The following ASTN1 variants were observed in gnomAD, a reference collection of about 807,000 sequenced individuals.
The protein encoded by ASTN1 is astrotactin 1.
In ASTN1, 41 loss-of-function variants were observed where a neutral mutation model predicts 140.7. The ratio of observed to expected loss-of-function variants is 0.29; its 90% confidence interval spans 0.23 to 0.38. The LOEUF (loss-of-function observed/expected upper bound fraction) is 0.38. Ranked by LOEUF, ASTN1 falls within the 10% of genes least tolerant of loss-of-function variation. The pLI is 1.00. For synonymous variants in ASTN1, 640 were observed against 652.2 expected (o/e 0.98, Z 0.29); for missense variants, 1,479 against 1,678.8 (o/e 0.88, Z 2.08).
rs558932087 is a variant in ASTN1 at position 176,912,008 on chromosome 1, C to T, written c.2672-17178G>A. On this transcript the variant is annotated intron_variant, in intron 16 of 22. Coordinates refer to ENST00000361833, the MANE Select transcript of ASTN1 (RefSeq NM_004319.3). Reference sequence around the variant, plus strand: ...GCTACATTACGATCTTATGGGACCACTGTCATATACGTGGGCTTGCATTGA... The same window carrying T: ...GCTACATTACGATCTTATGGGACCATTGTCATATACGTGGGCTTGCATTGA... 3.3e-5 allele frequency among the ~76,000 whole-genome samples: 5 copies of T among 152,330 alleles called. No homozygotes were observed. In the East Asian group the frequency reaches 9.6e-4, roughly 29 times the overall value.
At chr1:176,913,273 C>T (rs997587809) in intron 16 of ASTN1, among the ~76,000 whole-genome samples, 11 of 152,142 alleles carry the variant, frequency 7.2e-5, no homozygotes, top group Non-Finnish European at 5.9e-5. Flanking sequence ...CTTCTTTGGT[C>T]CTCTTCTTTC....
intron 1 of ASTN1, among the ~76,000 whole-genome samples, chr1:177,142,713 G>A (rs1308699488): frequency 6.6e-6 from 1 of 152,080 alleles, no homozygotes; most frequent in African/African-American, 2.4e-5. Context: ...ACTTCCAAAA[G>A]CATATCCTGT....
chr1:177,039,106 T>C (rs1481615226), intron 2 of ASTN1, among the ~76,000 whole-genome samples: 1 of 152,224 alleles, frequency 6.6e-6, no homozygotes, highest in African/African-American at 2.4e-5. Flanking sequence ...GCTGAGATTA[T>C]GCTTCCAGCT....
chr1:177,035,548 G>A (rs991022530), intron 2 of ASTN1, among the ~76,000 whole-genome samples: 7 of 152,300 alleles, frequency 4.6e-5, no homozygotes, highest in Admixed American at 2.0e-4. Flanking sequence ...GTAAAAAGAC[G>A]ATACTCACAT....
intron 1 of ASTN1, among the ~76,000 whole-genome samples, chr1:177,148,936 A>G (rs553813691): frequency 7.3e-5 from 11 of 150,602 alleles, no homozygotes; most frequent in African/African-American, 2.7e-4. Context: ...TTTTAAGACA[A>G]AGGAGAGCTG....
At chr1:176,938,376 TA>T (rs1392706942) in intron 14 of ASTN1, among the ~76,000 whole-genome samples, 2 of 152,096 alleles carry the variant, frequency 1.3e-5, no homozygotes, top group Non-Finnish European at 2.9e-5. Flanking sequence ...AGTTTATTTA[TA>T]AAAAAATAAC....
chr1:176,932,712 T>C (rs1164546187), intron 16 of ASTN1, among the ~76,000 whole-genome samples: 2 of 152,218 alleles, frequency 1.3e-5, no homozygotes, highest in Non-Finnish European at 2.9e-5. Flanking sequence ...GCCAAGACCG[T>C]GGACAGAATT....
intron 18 of ASTN1, among the ~76,000 whole-genome samples, chr1:176,884,876 A>C (rs1443226623): frequency 1.3e-5 from 2 of 152,190 alleles, no homozygotes; most frequent in African/African-American, 4.8e-5. Flanking sequence ...GTGTGTGTAT[A>C]CTGCTCATAT....
chr1:176,883,069 A>T lies in ASTN1; in HGVS notation c.3227-75T>A, dbSNP rs1668876769. Reference sequence around the variant, plus strand: ...AGCAATGAGGAGATGGAGTCAACTCAATGAGAACTTAACATGACAATGATT... The same window carrying T: ...AGCAATGAGGAGATGGAGTCAACTCTATGAGAACTTAACATGACAATGATT... On this transcript the variant is annotated intron_variant, in intron 19 of 22. Coordinates refer to ENST00000361833, the MANE Select transcript of ASTN1 (RefSeq NM_004319.3). The T allele has an allele frequency of 4.5e-6, 7 of 1,568,718 alleles. No individual in the cohort carries two copies. In the Admixed American group the frequency reaches 1.2e-4, roughly 26 times the overall value.
At chr1:177,021,577 G>A (rs1384010981) in intron 7 of ASTN1, among the ~76,000 whole-genome samples, 1 of 152,190 alleles carries the variant, frequency 6.6e-6, no homozygotes, top group Admixed American at 6.5e-5. Flanking sequence ...GTAGCTGTGG[G>A]ACTTTGGGCA....
At chr1:176,933,988 T>C (rs184843472) in intron 16 of ASTN1, among the ~76,000 whole-genome samples, 164 bp downstream of exon 16, 3 of 152,246 alleles carry the variant, frequency 2.0e-5, no homozygotes, top group East Asian at 3.9e-4. Flanking sequence ...TGAGATTTGG[T>C]TTTTGCAACC....
intron 1 of ASTN1, among the ~76,000 whole-genome samples, chr1:177,096,682 T>C (rs1190915749): frequency 1.3e-5 from 2 of 152,200 alleles, no homozygotes; most frequent in African/African-American, 4.8e-5. Flanking sequence ...AAAGGGCAGT[T>C]CCCCTGCCAC....
At chr1:176,981,885 T>C (rs948449217) in intron 8 of ASTN1, 2 of 152,458 alleles carry the variant, frequency 1.3e-5, no homozygotes, top group Admixed American at 6.5e-5. Flanking sequence ...ATATGAGAAA[T>C]GTTATCAAGT....
chr1:177,028,280 T>A (rs1316919129), intron 5 of ASTN1, among the ~76,000 whole-genome samples: 1 of 152,208 alleles, frequency 6.6e-6, no homozygotes, highest in African/African-American at 2.4e-5. Flanking sequence ...AGGTTGGGTA[T>A]CCACTGTCTA....
intron 8 of ASTN1, among the ~76,000 whole-genome samples, chr1:176,971,804 G>T (rs967539638): frequency 1.3e-5 from 2 of 152,162 alleles, no homozygotes; most frequent in Non-Finnish European, 2.9e-5. Flanking sequence ...TGCAAATGAG[G>T]TTGAGGGTTA....
chr1:176,872,474 C>T (rs1404496270), intron 21 of ASTN1, among the ~76,000 whole-genome samples: 1 of 152,168 alleles, frequency 6.6e-6, no homozygotes, highest in Non-Finnish European at 1.5e-5. Context: ...TTCACAGCCT[C>T]TATATTTCTG....
At chr1:177,025,859 G>A (rs767389693) in intron 5 of ASTN1, among the ~76,000 whole-genome samples, 6 of 152,150 alleles carry the variant, frequency 3.9e-5, no homozygotes, top group Non-Finnish European at 5.9e-5. Flanking sequence ...GTTTGATGTG[G>A]CTCGCATCAT....
rs754426614 is a variant in ASTN1, at chr1:177,032,787, C to T, written c.534G>A (p.Arg178=). Residue 178 remains arginine (R), a synonymous_variant, in exon 3 of 23, where the codon CGG becomes CGA. Transcript: ENST00000361833. ...LCLVMILYTR[R]RWCKRRRVPQ... Reference sequence around the variant, plus strand: ...GGACCCGGCGGCGTTTGCACCAGCGCCGGCGAGTATACAGGATCATCACCA... The same window carrying T: ...GGACCCGGCGGCGTTTGCACCAGCGTCGGCGAGTATACAGGATCATCACCA... The T allele has an allele frequency of 6.2e-7, 1 of 1,612,804 alleles. No homozygotes were observed. The highest frequency in any genetic ancestry group is 1.7e-5 in the Admixed American group (1 of 60,002).
intron 17 of ASTN1, among the ~76,000 whole-genome samples, chr1:176,893,406 T>C (rs1366384490): frequency 6.6e-6 from 1 of 152,212 alleles, no homozygotes; most frequent in African/African-American, 2.4e-5. Context: ...AGGTCTCTTT[T>C]CTACCACTCC....
Sources: gnomAD v4.1 joint callset for allele counts (sites outside exome capture counted in the v4.1 genomes callset) on GRCh38, gnomAD v4.1.1 for gene constraint, MANE v1.5 for transcripts, NCBI Gene and HGNC (gene_info 2026-07-23, HGNC 2026-07-21) for gene names.